NTM: variants seen among roughly 807,000 people sequenced by gnomAD.
NTM encodes the protein neurotrimin, also known as IgLON family member 2.
A neutral mutation model predicts 42.1 loss-of-function variants in NTM; 13 were observed. The observed-to-expected ratio is 0.31, with a 90% CI of 0.20 to 0.49. The LOEUF is 0.49. Ranked by LOEUF, NTM falls within the 20% of genes least tolerant of loss-of-function variation. NTM has a pLI of 0.99. For synonymous variants in NTM, 187 were observed against 179.2 expected (o/e 1.04, Z -0.35); for missense variants, 373 against 452.8 (o/e 0.82, Z 1.60).
intron 2 of NTM, among the ~76,000 whole-genome samples, chr11:131,914,019 G>A (rs1051728795): frequency 3.9e-5 from 6 of 152,186 alleles, no homozygotes; most frequent in East Asian, 1.9e-4. Flanking sequence ...ACTCTGATGC[G>A]CTAGAACAAG....
chr11:131,725,609 G>A (rs1200118809), intron 1 of NTM, among the ~76,000 whole-genome samples: 2 of 152,174 alleles, frequency 1.3e-5, no homozygotes, highest in Admixed American at 6.5e-5. Flanking sequence ...CATCAAGGAC[G>A]TCACAGTAGC....
intron 1 of NTM, among the ~76,000 whole-genome samples, chr11:131,540,201 G>A (rs1050522445): frequency 2.0e-5 from 2 of 97,770 alleles, no homozygotes; most frequent in African/African-American, 7.8e-5. Context: ...GTCTCCCTCT[G>A]TTGCCCAGGA....
Position 132,146,237 on chromosome 11 carries a change from G to C in NTM, c.168-45G>C, listed in dbSNP as rs1283245901. 1 of 1,605,622 alleles carries C rather than the reference G, an allele frequency of 6.2e-7. No individual in the cohort carries two copies. Among genetic ancestry groups the C allele is most frequent in the South Asian group, 1.1e-5 (1 of 90,240 alleles). Reference sequence around the variant, plus strand: ...TGAGGACCTCCCTCTGATGGCTGCTGTCGTCTCTCAGTCCCTTGACGTACC... The same window carrying C: ...TGAGGACCTCCCTCTGATGGCTGCTCTCGTCTCTCAGTCCCTTGACGTACC... On this transcript the variant is annotated intron_variant, in intron 2 of 8. Transcript: ENST00000683400. This position sits in a 1 kb window ranked among gnomAD's most constrained non-coding sequence, Gnocchi z 4.5.
chr11:131,750,662 T>G (rs1326089053), intron 1 of NTM, among the ~76,000 whole-genome samples: 1 of 152,208 alleles, frequency 6.6e-6, no homozygotes, highest in African/African-American at 2.4e-5. Context: ...AGCCCACCAC[T>G]TGGTCATTTC....
intron 4 of NTM, among the ~76,000 whole-genome samples, chr11:132,252,170 T>G (rs1347196296): frequency 8.8e-6 from 1 of 114,126 alleles, no homozygotes; most frequent in Non-Finnish European, 1.9e-5. Flanking sequence ...CAGGCCTTCT[T>G]TTCCTCATCT....
At chr11:131,632,599 T>G (rs940296919) in intron 1 of NTM, among the ~76,000 whole-genome samples, 1 of 150,674 alleles carries the variant, frequency 6.6e-6, no homozygotes, top group Non-Finnish European at 1.5e-5. Flanking sequence ...TTATTTATTC[T>G]TTTCCCCCCT....
At chr11:131,667,449 T>C (rs789520) in intron 1 of NTM, among the ~76,000 whole-genome samples, 136,983 of 152,232 alleles carry the variant, frequency 0.9, 61,800 homozygotes, top group East Asian at 1. Context: ...CTTTTTCTTC[T>C]ATGCATTTGT....
At chr11:131,447,627 C>T (rs759260440) in intron 1 of NTM, among the ~76,000 whole-genome samples, 11 of 152,128 alleles carry the variant, frequency 7.2e-5, no homozygotes, top group Admixed American at 3.3e-4. Flanking sequence ...TTTGTTTCCA[C>T]GCTGCATTCT....
At chr11:131,825,665 T>A (rs961432911) in intron 1 of NTM, among the ~76,000 whole-genome samples, 5 of 152,058 alleles carry the variant, frequency 3.3e-5, no homozygotes, top group Non-Finnish European at 7.4e-5. Context: ...TATACCAGGA[T>A]GGAAAAGATG....
chr11:131,583,113 T>A (rs1248932456), intron 1 of NTM, among the ~76,000 whole-genome samples: 1 of 152,200 alleles, frequency 6.6e-6, no homozygotes, highest in Admixed American at 6.5e-5. Context: ...CTGGGGACAC[T>A]GTACCAGGAA....
At chr11:131,812,780 G>A (rs2092792137) in intron 1 of NTM, among the ~76,000 whole-genome samples, 1 of 152,142 alleles carries the variant, frequency 6.6e-6, no homozygotes, top group Non-Finnish European at 1.5e-5. Context: ...AAGTGGAGAG[G>A]GAAGATGACT....
intron 1 of NTM, among the ~76,000 whole-genome samples, chr11:131,778,544 T>G (rs756578452): frequency 5.9e-5 from 9 of 152,182 alleles, no homozygotes; most frequent in Non-Finnish European, 1.3e-4. Flanking sequence ...ACTTTAGTAG[T>G]CATCAGGAAT....
chr11:131,660,612 C>T (rs773931843), intron 1 of NTM: 1 of 457,614 alleles, frequency 2.2e-6, no homozygotes, highest in Non-Finnish European at 4.4e-6. Flanking sequence ...GAGGGCTGGC[C>T]TTGATCTCTG....
intron 1 of NTM, among the ~76,000 whole-genome samples, chr11:131,708,130 A>T (rs181309719): frequency 0.015 from 2,317 of 152,246 alleles, 34 homozygotes; most frequent in Non-Finnish European, 0.023. Context: ...GCTATCTGAA[A>T]AATAAATGAA....
At chr11:131,632,122 A>G (rs1294343393) in intron 1 of NTM, among the ~76,000 whole-genome samples, 1 of 152,156 alleles carries the variant, frequency 6.6e-6, no homozygotes, top group African/African-American at 2.4e-5. Flanking sequence ...CTTCTGTATT[A>G]TGTACTTGAA....
In NTM at chr11:132,017,952, C is replaced by G. The variant is rs572423890; in HGVS notation, c.167+106304C>G. 4.8e-4 allele frequency among the ~76,000 whole-genome samples: 73 copies of G among 152,100 alleles called. 3 individuals carry two copies. In the South Asian group the frequency reaches 0.015, roughly 31 times the overall value. ...TGTCAGTGTACAGAAATACAATAGACTTTTGTATGCCAATGCTCTTTCCTG... is the reference window on the plus strand; with the variant it reads ...TGTCAGTGTACAGAAATACAATAGAGTTTTGTATGCCAATGCTCTTTCCTG... On this transcript the variant is annotated intron_variant, in intron 2 of 8. Transcript: ENST00000683400.
At chr11:131,713,163 T>G (rs1286043401) in intron 1 of NTM, among the ~76,000 whole-genome samples, 1 of 152,136 alleles carries the variant, frequency 6.6e-6, no homozygotes, top group Non-Finnish European at 1.5e-5. Flanking sequence ...ACACCGGGTG[T>G]GTAATGATAA....
At chr11:132,296,538 G>A (rs1168770416) in intron 4 of NTM, among the ~76,000 whole-genome samples, 1 of 152,190 alleles carries the variant, frequency 6.6e-6, no homozygotes, top group Non-Finnish European at 1.5e-5. Context: ...TTACTAAGGA[G>A]GGAACTGAGG....
intron 2 of NTM, among the ~76,000 whole-genome samples, chr11:132,004,912 T>C (rs1448689846): frequency 1.3e-5 from 2 of 152,216 alleles, no homozygotes; most frequent in Non-Finnish European, 2.9e-5. Flanking sequence ...ACAGTTTTAA[T>C]AGTTGCATTT....
Sources: gnomAD v4.1 joint callset for allele counts (sites outside exome capture counted in the v4.1 genomes callset) on GRCh38, gnomAD v4.1.1 for gene constraint, Gnocchi (gnomAD v3.1) non-coding constraint, MANE v1.5 for transcripts, NCBI Gene and HGNC (gene_info 2026-07-23, HGNC 2026-07-21) for gene names.